Variants in CTBP2 observed in about 807,000 individuals in gnomAD.
CTBP2 encodes the protein C-terminal-binding protein 2.
Under a neutral mutation model 80.3 loss-of-function variants are expected in CTBP2, and 30 were observed. That is an observed-to-expected ratio of 0.37 (90% CI 0.28 to 0.51). The LOEUF (loss-of-function observed/expected upper bound fraction) is 0.51. CTBP2 is among the 20% of genes least tolerant of loss of function. The pLI is 0.93. For missense variants in CTBP2, 1,212 were observed against 1,375.3 expected, an observed-to-expected ratio of 0.88 and a Z score of 1.88; for synonymous variants, 594 against 587.4, an observed-to-expected ratio of 1.01 and a Z score of -0.16.
Position 125,027,068 on chromosome 10 carries a change from C to A in CTBP2, c.692G>T (p.Cys231Phe). Residue 231 changes from cysteine to phenylalanine, a missense_variant, in exon 1 of 9, where the codon TGC becomes TTC. Physicochemically the swap from Cys to Phe is radical, Grantham distance 205. Coordinates refer to ENST00000309035, the MANE Select transcript of CTBP2 (RefSeq NM_022802.3). ...AGCTGAACTGGGGTCCACAACCAGG[C>A]ACGTCGGGGCCACCTGTCTGGCAGG... is the stretch of plus-strand genomic sequence containing the variant. The A allele has an allele frequency of 6.2e-7, 1 of 1,612,320 alleles. No homozygotes were observed. Among genetic ancestry groups the A allele is most frequent in the Non-Finnish European group, 8.5e-7 (1 of 1,178,910 alleles).
chr10:125,049,247 G>C (rs1462211104), intron 2 of CTBP2, among the ~76,000 whole-genome samples: 2 of 152,140 alleles, frequency 1.3e-5, no homozygotes, highest in African/African-American at 4.8e-5. Flanking sequence ...CACTACGGGA[G>C]ACAGATGTGC....
At chr10:125,125,605 G>A (rs909901432) in intron 1 of CTBP2, among the ~76,000 whole-genome samples, 2 of 152,210 alleles carry the variant, frequency 1.3e-5, no homozygotes, top group East Asian at 1.9e-4. Context: ...AGTTAAGCAT[G>A]GGTCATATGC....
chr10:125,125,912 C>T (rs1337004231), intron 1 of CTBP2, among the ~76,000 whole-genome samples: 1 of 152,222 alleles, frequency 6.6e-6, no homozygotes, highest in Non-Finnish European at 1.5e-5. Context: ...GATCCCCAAC[C>T]AACGTTTGTT....
intron 2 of CTBP2, among the ~76,000 whole-genome samples, chr10:125,075,382 G>A (rs550676800): frequency 2.0e-5 from 3 of 152,192 alleles, no homozygotes; most frequent in Admixed American, 6.5e-5. Flanking sequence ...TGCTGTTATC[G>A]TGCGAGTGGG....
In CTBP2 at chr10:125,093,860, C is replaced by T. The variant is rs142107707; in HGVS notation, c.-102+17130G>A. 9.3e-3 allele frequency among the ~76,000 whole-genome samples: 1,413 copies of T among 152,214 alleles called. 10 individuals carry two copies. The highest frequency in any genetic ancestry group is 0.016 in the Non-Finnish European group (1,061 of 68,004). On this transcript the variant is annotated intron_variant, in intron 2 of 10. Transcript: ENST00000337195. ...AGTCACTGCTCTGCATTGGAAAACCCGGGTGTTTGATTCAACTAAATCATC... is the reference window on the plus strand; with the variant it reads ...AGTCACTGCTCTGCATTGGAAAACCTGGGTGTTTGATTCAACTAAATCATC...
At chr10:125,095,130 GTC>G (rs1849358799) in intron 2 of CTBP2, among the ~76,000 whole-genome samples, 1 of 152,060 alleles carries the variant, frequency 6.6e-6, no homozygotes, top group Admixed American at 6.6e-5. Flanking sequence ...TTTAGGGTAG[GTC>G]TCTCAACACA....
intron 1 of CTBP2, among the ~76,000 whole-genome samples, chr10:125,016,719 A>G (rs1044855197): frequency 9.2e-5 from 14 of 152,242 alleles, no homozygotes; most frequent in African/African-American, 3.4e-4. Context: ...ACAGCCAGGA[A>G]GTGAACATTC....
chr10:125,072,581 A>G (rs550095811), intron 2 of CTBP2, among the ~76,000 whole-genome samples: 7 of 145,874 alleles, frequency 4.8e-5, no homozygotes, highest in African/African-American at 1.8e-4. Context: ...GCACCACTGC[A>G]CTCCAGCCTG....
intron 1 of CTBP2, chr10:125,138,170 AC>A (rs1028339351): frequency 1.3e-5 from 2 of 152,156 alleles, no homozygotes; most frequent in Non-Finnish European, 2.9e-5. Context: ...GCCTCCTCCC[AC>A]CCAGACTTGG....
chr10:125,120,208 G>A (rs1032420148), intron 1 of CTBP2, among the ~76,000 whole-genome samples: 2 of 152,192 alleles, frequency 1.3e-5, no homozygotes, highest in African/African-American at 2.4e-5. Context: ...TCAGCCAAAG[G>A]AGACTTCCCA....
chr10:125,051,281 T>C (rs1353607457), intron 2 of CTBP2, among the ~76,000 whole-genome samples: 2 of 152,238 alleles, frequency 1.3e-5, no homozygotes, highest in Non-Finnish European at 2.9e-5. Context: ...ATGTACTTCC[T>C]GCCATAGTCA....
At chr10:125,102,700 A>G (rs1850822026) in intron 2 of CTBP2, among the ~76,000 whole-genome samples, 1 of 152,214 alleles carries the variant, frequency 6.6e-6, no homozygotes. Context: ...TTTTTAACAA[A>G]TGTGGGACTG....
At position 124,986,491 on chromosome 10, in the gene CTBP2, C is replaced by T. The variant is rs917316502; in HGVS notation, c.*3027G>A. ...TGTCATGTCTTTAGTTCTTTCCCCC[C>T]GAAAACTCAGTAAAAAGGTGTTCCC... On this transcript the variant is annotated 3_prime_UTR_variant, in exon 9 of 9. Coordinates refer to ENST00000309035, the MANE Select transcript of CTBP2 (RefSeq NM_022802.3). The T allele has an allele frequency of 1.1e-4, 16 of 152,060 alleles. No homozygotes were observed. Among genetic ancestry groups the T allele is most frequent in the Non-Finnish European group, 4.4e-5 (3 of 68,014 alleles). The allele number at this position is 152,060 out of a possible 1,614,324, so 9.4% of individuals were successfully genotyped here.
At position 124,985,145 on chromosome 10, in the gene CTBP2, G is replaced by A; in HGVS notation, c.*4373C>T. On this transcript the variant is annotated 3_prime_UTR_variant, in exon 9 of 9. Coordinates refer to ENST00000309035, the MANE Select transcript of CTBP2 (RefSeq NM_022802.3). ...TTTTCCTGGACCACACACACCTTATGGAGATAATGCCTCTGCTGCGTGAGG... is the reference window on the plus strand; with the variant it reads ...TTTTCCTGGACCACACACACCTTATAGAGATAATGCCTCTGCTGCGTGAGG... 1 of 605,464 alleles carries A rather than the reference G, an allele frequency of 1.7e-6. No homozygotes were observed. The highest frequency in any genetic ancestry group is 2.9e-6 in the Non-Finnish European group (1 of 346,298). The allele number at this position is 605,464 out of a possible 1,614,324, so 37.5% of individuals were successfully genotyped here. A position where few individuals can be genotyped will look rare whatever the true frequency, so the allele number is the denominator to read the frequency against.
chr10:125,027,387 G>A lies in CTBP2; in HGVS notation c.373C>T (p.Pro125Ser). The change falls in exon 1 of 9, where the codon CCC (proline) becomes TCC (serine). Residue 125 changes from proline to serine, a missense_variant. By Grantham distance (74) the Pro-to-Ser change is moderately conservative (BLOSUM62 -1). This residue lies in a region of CTBP2 where 848 missense variants were observed against 782.3 expected (regional missense o/e 1.08). Transcript: ENST00000309035. ...CTGACTCCTGGGTCCCGATAGAGGG[G>A]AGGCTCTTTGGGTACCCTAGCAGCT... 6.2e-7 allele frequency: 1 copy of A among 1,613,660 alleles called. No individual in the cohort carries two copies. The highest frequency in any genetic ancestry group is 8.5e-7 in the Non-Finnish European group (1 of 1,180,000).
At chr10:125,074,152 T>C (rs77863419) in intron 2 of CTBP2, among the ~76,000 whole-genome samples, 9,608 of 152,224 alleles carry the variant, frequency 0.063, 321 homozygotes, top group East Asian at 0.099. Context: ...CTGAATATGA[T>C]AATCAGTCCC....
rs118022420 is a variant in CTBP2 at position 125,090,761 on chromosome 10, A to T, written c.-102+20229T>A. 8.3e-3 allele frequency among the ~76,000 whole-genome samples: 1,268 copies of T among 152,150 alleles called. 21 individuals are homozygous for T. The highest frequency in any genetic ancestry group is 0.076 in the East Asian group (396 of 5,178). ...AGAGCAAGATCTTGTCTCAAAAAAAAAAATAAATAAATAACAAAACAAAAC... is the reference window on the plus strand; with the variant it reads ...AGAGCAAGATCTTGTCTCAAAAAAATAAATAAATAAATAACAAAACAAAAC... On this transcript the variant is annotated intron_variant, in intron 2 of 10. Transcript: ENST00000337195.
chr10:125,048,364 T>A (rs1368616992), intron 2 of CTBP2, among the ~76,000 whole-genome samples: 1 of 152,082 alleles, frequency 6.6e-6, no homozygotes, highest in Non-Finnish European at 1.5e-5. Context: ...GAAAATAAGA[T>A]CAGCTACTCC....
intron 2 of CTBP2, among the ~76,000 whole-genome samples, chr10:125,074,425 G>C (rs536129571): frequency 1.3e-5 from 2 of 152,162 alleles, no homozygotes; most frequent in South Asian, 4.1e-4. Flanking sequence ...TGCATTCTCT[G>C]CTCACTGCAA....
Sources: gnomAD v4.1 joint callset for allele counts (sites outside exome capture counted in the v4.1 genomes callset) on GRCh38, gnomAD v4.1.1 for gene constraint, gnomAD v4.1.1 regional missense constraint, MANE v1.5 for transcripts, NCBI Gene and HGNC (gene_info 2026-07-23, HGNC 2026-07-21) for gene names.